The following SDCCAG8 variants were observed in gnomAD, a reference collection of about 807,000 sequenced individuals.
The protein encoded by SDCCAG8 is SHH signaling and ciliogenesis regulator SDCCAG8.
SDCCAG8 carries 74 observed loss-of-function variants against 101.8 expected under a neutral mutation model. The observed-to-expected ratio is 0.73, with a 90% CI of 0.60 to 0.88. The LOEUF (loss-of-function observed/expected upper bound fraction) is 0.88, where lower values mean the gene tolerates loss of function less well. Ranked by LOEUF, SDCCAG8 falls within the 40% of genes least tolerant of loss-of-function variation. The pLI is 0.00. For missense variants in SDCCAG8, 787 were observed against 822.6 expected (o/e 0.96, Z 0.53); for synonymous variants, 281 against 292.9 (o/e 0.96, Z 0.41).
intron 3 of SDCCAG8, among the ~76,000 whole-genome samples, chr1:243,274,056 G>C (rs748016993): frequency 1.3e-5 from 2 of 152,156 alleles, no homozygotes; most frequent in Non-Finnish European, 2.9e-5. Context: ...GGTTTAATCA[G>C]CTCATGGTTC....
At chr1:243,441,904 C>T (rs1430881387) in intron 16 of SDCCAG8, among the ~76,000 whole-genome samples, 1 of 152,090 alleles carries the variant, frequency 6.6e-6, no homozygotes, top group East Asian at 1.9e-4. Flanking sequence ...TGATGAATAA[C>T]AGAAGAAATC....
intron 4 of SDCCAG8, among the ~76,000 whole-genome samples, chr1:243,280,477 C>T (rs938628781): frequency 6.6e-6 from 1 of 151,954 alleles, no homozygotes; most frequent in Admixed American, 6.6e-5. Flanking sequence ...TTTCTGCTTA[C>T]TCTGGAATTA....
intron 13 of SDCCAG8, among the ~76,000 whole-genome samples, chr1:243,385,486 G>A (rs930354777): frequency 1.3e-5 from 2 of 152,272 alleles, no homozygotes; most frequent in East Asian, 1.9e-4. Flanking sequence ...AGGATTACAG[G>A]GGGAGAGACA....
intron 17 of SDCCAG8, among the ~76,000 whole-genome samples, chr1:243,494,130 ATAAAT>A (rs1667237356): frequency 6.6e-6 from 1 of 152,266 alleles, no homozygotes; most frequent in African/African-American, 2.4e-5. Context: ...ATTGAATAAA[ATAAAT>A]TAAAAAGCCT....
intron 16 of SDCCAG8, among the ~76,000 whole-genome samples, chr1:243,460,194 A>C (rs1357358349): frequency 6.6e-6 from 1 of 152,256 alleles, no homozygotes; most frequent in Non-Finnish European, 1.5e-5. Flanking sequence ...TCAGGTGTTA[A>C]TAATGCTCAT....
At chr1:243,322,895 G>A (rs1409394586) in intron 9 of SDCCAG8, among the ~76,000 whole-genome samples, 1 of 151,938 alleles carries the variant, frequency 6.6e-6, no homozygotes, top group Admixed American at 6.6e-5. Context: ...TCAGCACTTT[G>A]GGAGGCTGAG....
chr1:243,368,138 C>T (rs938568735), intron 12 of SDCCAG8, among the ~76,000 whole-genome samples: 1 of 151,474 alleles, frequency 6.6e-6, no homozygotes, highest in Non-Finnish European at 1.5e-5. Context: ...ATCTCTTGAG[C>T]CGGGGAGGTT....
chr1:243,394,657 A>C (rs2147953379), intron 13 of SDCCAG8, among the ~76,000 whole-genome samples: 1 of 152,340 alleles, frequency 6.6e-6, no homozygotes, highest in East Asian at 1.9e-4. Context: ...ATGTAGATAA[A>C]TTAAGGTCAG....
intron 16 of SDCCAG8, among the ~76,000 whole-genome samples, chr1:243,454,493 C>G (rs975467008): frequency 2.6e-5 from 4 of 152,056 alleles, no homozygotes; most frequent in African/African-American, 9.7e-5. Context: ...TACCCCACAG[C>G]CCCCGTGCAC....
chr1:243,461,738 AC>A (rs1285765206), intron 16 of SDCCAG8, among the ~76,000 whole-genome samples: 3 of 152,238 alleles, frequency 2.0e-5, no homozygotes, highest in Middle Eastern at 3.4e-3. Context: ...GTCTAAATGT[AC>A]CATGGTACAT....
intron 16 of SDCCAG8, among the ~76,000 whole-genome samples, chr1:243,441,908 A>G (rs1174736226): frequency 1.3e-5 from 2 of 152,228 alleles, no homozygotes; most frequent in East Asian, 3.8e-4. Context: ...GAATAACAGA[A>G]GAAATCTTTA....
At chr1:243,344,445 A>G in intron 12 of SDCCAG8, 114 bp downstream of exon 12, 2 of 893,548 alleles carry the variant, frequency 2.2e-6, no homozygotes, top group East Asian at 2.6e-5. Context: ...AACTAATGGG[A>G]TGATCCAGTT....
intron 12 of SDCCAG8, among the ~76,000 whole-genome samples, chr1:243,348,196 C>G (rs914665730): frequency 1.5e-5 from 2 of 132,368 alleles, no homozygotes; most frequent in Admixed American, 8.8e-5. Flanking sequence ...CGACCACGCC[C>G]GGCTAATTTT....
At chr1:243,334,717 G>T (rs1319787293) in intron 10 of SDCCAG8, among the ~76,000 whole-genome samples, 1 of 152,104 alleles carries the variant, frequency 6.6e-6, no homozygotes, top group Non-Finnish European at 1.5e-5. Context: ...CAGCTTCCCA[G>T]GTAGCTGGGA....
chr1:243,454,851 G>A (rs917437574), intron 16 of SDCCAG8, among the ~76,000 whole-genome samples: 1 of 152,128 alleles, frequency 6.6e-6, no homozygotes, highest in Non-Finnish European at 1.5e-5. Flanking sequence ...TGTGGTCGGT[G>A]TCTGGGGTAA....
At chr1:243,353,489 TCAA>T (rs2076205316) in intron 12 of SDCCAG8, among the ~76,000 whole-genome samples, 2 of 5,150 alleles carry the variant, frequency 3.9e-4, no homozygotes, top group Non-Finnish European at 9.2e-4. Context: ...AGATTCCATC[TCAA>T]AAAAAAAAAA....
At chr1:243,418,900 A>G (rs2080791180) in intron 15 of SDCCAG8, among the ~76,000 whole-genome samples, 1 of 152,186 alleles carries the variant, frequency 6.6e-6, no homozygotes, top group African/African-American at 2.4e-5. Context: ...AACTCAATGA[A>G]AAAATTGCCT....
chr1:243,384,428 C>T lies in SDCCAG8; in HGVS notation c.1616+5565C>T, dbSNP rs116001438. Among the ~76,000 whole-genome samples, 302 of 152,236 alleles carry T rather than the reference C, an allele frequency of 2.0e-3. 2 individuals carry two copies. The highest frequency in any genetic ancestry group is 3.0e-3 in the Non-Finnish European group (201 of 67,990). On this transcript the variant is annotated intron_variant, in intron 13 of 17. Transcript: ENST00000366541. ...GAGAATTTTACTTGTCTCTATGATA[C>T]TATATTATGATTTTGTAATAATCAC...
intron 13 of SDCCAG8, among the ~76,000 whole-genome samples, chr1:243,398,760 T>TTA (rs1267256639): frequency 6.6e-6 from 1 of 152,250 alleles, no homozygotes. Flanking sequence ...TTGATAGTCA[T>TTA]ATCACAAATT....
Sources: allele counts gnomAD v4.1 joint callset (sites outside exome capture counted in the v4.1 genomes callset), GRCh38; gene constraint gnomAD v4.1.1; transcripts MANE v1.5; gene names NCBI Gene and HGNC (gene_info 2026-07-23, HGNC 2026-07-21).